Variants in TIMELESS observed in about 807,000 individuals in gnomAD.
The protein encoded by TIMELESS is timeless circadian regulator, also known as protein timeless homolog.
A neutral mutation model predicts 164.3 loss-of-function variants in TIMELESS; 124 were observed. The ratio of observed to expected loss-of-function variants is 0.75; its 90% confidence interval spans 0.65 to 0.88. TIMELESS has a LOEUF of 0.88. Among genes scored for constraint, TIMELESS ranks in the 40% least tolerant of loss-of-function variants. The pLI is 0.00. For synonymous variants in TIMELESS, 564 were observed against 563.4 expected (o/e 1.00, Z -0.02); for missense variants, 1,422 against 1,491.4 (o/e 0.95, Z 0.77).
Position 56,421,705 on chromosome 12 carries a change from CCT to C in TIMELESS, c.2725+20_2725+21del, listed in dbSNP as rs1313525550. 2 of 1,613,336 alleles carry C rather than the reference CCT, an allele frequency of 1.2e-6. No homozygotes were observed. Among genetic ancestry groups the C allele is most frequent in the Non-Finnish European group, 1.7e-6 (2 of 1,179,368 alleles). ...AGCTTGGCTTTCATCTCAAAGGTCC[CCT>C]GAGTTTCCAGCTTACTCACCATCTG... On this transcript the variant is annotated intron_variant, in intron 22 of 28. Transcript: ENST00000553532.
At chr12:56,432,248 G>T in intron 7 of TIMELESS, 121 bp downstream of exon 7, 2 of 1,200,540 alleles carry the variant, frequency 1.7e-6, no homozygotes, top group Non-Finnish European at 1.2e-6. Context: ...TCAAGACATG[G>T]CTACTCCTGC....
In TIMELESS at chr12:56,421,208, G is replaced by T; in HGVS notation, c.2869-74C>A. The stretch of plus-strand genomic sequence containing the variant: ...AACTTAGTGGAGTCTCCTCGTTCCT[G>T]ACCACCGCACCCCCCCGCGCCTGCT... On this transcript the variant is annotated intron_variant, in intron 23 of 28. Transcript: ENST00000553532. The T allele has an allele frequency of 1.9e-6, 3 of 1,601,068 alleles. No homozygotes were observed. The South Asian group carries it at 3.4e-5, about 18-fold the overall frequency.
chr12:56,421,793 C>A lies in TIMELESS; in HGVS notation c.2659G>T (p.Val887Leu). 1.2e-6 allele frequency: 2 copies of A among 1,614,198 alleles called. No homozygotes were observed. Among genetic ancestry groups the A allele is most frequent in the Non-Finnish European group, 1.7e-6 (2 of 1,180,034 alleles). ...KDFQRKGTHI[V>L]LWTGDQELEL... ...AACTCCTGATCCCCCGTCCACAGTA[C>A]AATATGGGTTCCTTTCCTGATTAGG... Residue 887 changes from valine to leucine, a missense_variant, in exon 22 of 29, where the codon GTA (valine) becomes TTA (leucine). Physicochemically the swap from Val to Leu is conservative, Grantham distance 32. Transcript: ENST00000553532.
intron 10 of TIMELESS, among the ~76,000 whole-genome samples, chr12:56,429,497 CTTTTTT>C (rs35987061): frequency 1.4e-4 from 7 of 50,082 alleles, no homozygotes; most frequent in Non-Finnish European, 2.6e-4. Flanking sequence ...TGCGCCTGGT[CTTTTTT>C]TTTTTTTTTT....
chr12:56,417,394 C>T lies in TIMELESS; in HGVS notation c.*322G>A, dbSNP rs767016973. 6 of 267,690 alleles carry T rather than the reference C, an allele frequency of 2.2e-5. No individual in the cohort carries two copies. The highest frequency in any genetic ancestry group is 4.4e-5 in the African/African-American group (2 of 45,498). 16.6% of individuals were successfully genotyped at this position (267,690 alleles called of 1,614,324 possible). On this transcript the variant is annotated 3_prime_UTR_variant, in exon 29 of 29. Transcript: ENST00000553532. ...AAGGAACAGACCAATAAAAGGGGTCCGGGGTGCTTTCTCTATTTCACTCAC... is the reference window on the plus strand; with the variant it reads ...AAGGAACAGACCAATAAAAGGGGTCTGGGGTGCTTTCTCTATTTCACTCAC...
rs984088216 is a variant in TIMELESS at position 56,416,748 on chromosome 12, C to CA, written c.*967dup. On this transcript the variant is annotated 3_prime_UTR_variant, in exon 29 of 29. Transcript: ENST00000553532. ...TTTTTTTTTTTCTTTTTTTTTGAGA[C>CA]AGAGTCTTGCTCTGTCGCCCAGGCA... The CA allele has an allele frequency of 1.3e-5, 2 of 148,904 alleles. No individual in the cohort carries two copies. Among genetic ancestry groups the CA allele is most frequent in the African/African-American group, 5.0e-5 (2 of 40,226 alleles). The allele number at this position is 148,904 out of a possible 1,614,324, so 9.2% of individuals were successfully genotyped here.
At position 56,428,389 on chromosome 12, in the gene TIMELESS, C is replaced by T. The variant is rs774035358; in HGVS notation, c.1425G>A (p.Val475=). 6.2e-7 allele frequency: 1 copy of T among 1,610,106 alleles called. No individual in the cohort carries two copies. Among genetic ancestry groups the T allele is most frequent in the South Asian group, 1.1e-5 (1 of 90,858 alleles). The change falls in exon 13 of 29, where the codon GTG becomes GTA. Residue 475 remains valine, a synonymous_variant. Transcript: ENST00000553532. ...CCAGGAATAGTTCTCGGTACTCCAT[C>T]ACATAGAAAATATTGTCTAGGAATG... ...SRIIKNNIFY[V]MEYRELFLAL... is the part of the protein sequence containing the mutation.
Position 56,420,537 on chromosome 12 carries a change from G to A in TIMELESS, c.3228+32C>T, listed in dbSNP as rs72480405. Reference sequence around the variant, plus strand: ...ATGTATTTGGAAATAGGACTAACACGCCTTGGTTGACACTGTAACTGACAT... The same window carrying A: ...ATGTATTTGGAAATAGGACTAACACACCTTGGTTGACACTGTAACTGACAT... On this transcript the variant is annotated intron_variant, in intron 26 of 28. Transcript: ENST00000553532. 41,652 of 1,575,846 alleles carry A rather than the reference G, an allele frequency of 0.026. 632 individuals are homozygous for A. The highest frequency in any genetic ancestry group is 0.03 in the Non-Finnish European group (34,051 of 1,145,386).
At position 56,417,742 on chromosome 12, in the gene TIMELESS, G is replaced by C; in HGVS notation, c.3601C>G (p.Gln1201Glu). The C allele has an allele frequency of 6.2e-7, 1 of 1,614,102 alleles. No homozygotes were observed. Residue 1201 changes from glutamine (Q) to glutamate (E), a missense_variant, in exon 29 of 29, where the codon CAG (glutamine) becomes GAG (glutamate). Coordinates refer to ENST00000553532, the MANE Select transcript of TIMELESS (RefSeq NM_003920.5). ...APGIQKKKRY[Q>E]IEDDEDD ...CAGTCATCCTCATCATCCTCAATCT[G>C]GTATCGTTTCTTCTTTTGGATTCCT...
chr12:56,433,103 C>T lies in TIMELESS; in HGVS notation c.454G>A (p.Asp152Asn), dbSNP rs750827069. Residue 152 changes from aspartate to asparagine, a missense_variant, in exon 6 of 29, where the codon GAC (aspartate) becomes AAC (asparagine). Transcript: ENST00000553532. ...QLGWEERQEEDNLLIERILLL... is the reference protein window; with the variant it reads ...QLGWEERQEENNLLIERILLL... ...AGGATCCGTTCAATCAGCAAGTTGTCTTCCTCCTGCCGTTCCTCCCAGCCC... is the reference window on the plus strand; with the variant it reads ...AGGATCCGTTCAATCAGCAAGTTGTTTTCCTCCTGCCGTTCCTCCCAGCCC... 7 of 1,614,052 alleles carry T rather than the reference C, an allele frequency of 4.3e-6. No individual in the cohort carries two copies. The highest frequency in any genetic ancestry group is 5.9e-6 in the Non-Finnish European group (7 of 1,180,040).
intron 19 of TIMELESS, 112 bp from the exon 20 acceptor site, chr12:56,422,303 G>A: frequency 1.1e-6 from 1 of 930,926 alleles, no homozygotes; most frequent in Non-Finnish European, 1.7e-6. Context: ...GCAGGTAACT[G>A]AAAGAGGCCA....
chr12:56,434,456 G>A (rs1882004381), intron 1 of TIMELESS, among the ~76,000 whole-genome samples: 1 of 152,160 alleles, frequency 6.6e-6, no homozygotes, highest in Non-Finnish European at 1.5e-5. Context: ...CACCTACCCT[G>A]GCCAGGCGCG....
At chr12:56,431,677 G>C (rs937651682) in intron 7 of TIMELESS, 73 bp from the exon 8 acceptor site, 1 of 1,542,516 alleles carries the variant, frequency 6.5e-7, no homozygotes, top group Non-Finnish European at 8.7e-7. Context: ...TACTGGGGAT[G>C]CAAAGAGTGA....
chr12:56,418,485 T>A, intron 26 of TIMELESS, 126 bp from the exon 27 acceptor site: 1 of 669,314 alleles, frequency 1.5e-6, no homozygotes, highest in Non-Finnish European at 2.6e-6. Context: ...CTATTTATTA[T>A]AATACTTACT....
Position 56,423,890 on chromosome 12 carries a change from C to T in TIMELESS, c.1873G>A (p.Val625Met). 1 of 1,614,102 alleles carries T rather than the reference C, an allele frequency of 6.2e-7. No homozygotes were observed. The highest frequency in any genetic ancestry group is 1.1e-5 in the South Asian group (1 of 91,084). The change falls in exon 16 of 29, where the codon GTG (valine) becomes ATG (methionine). Residue 625 changes from valine to methionine, a missense_variant. By Grantham distance (21) the Val-to-Met change is conservative. Transcript: ENST00000553532. ...ALTLLRSARE[V>M]WPEGDVFGSQ... ...CCAAACACATCTCCTTCAGGCCACA[C>T]CTCCCTGGAGCACAGATAGAAAAAA...
rs137899889 is a variant in TIMELESS at position 56,430,936 on chromosome 12, T to C, written c.854A>G (p.Gln285Arg). The change falls in exon 9 of 29, where the codon CAG becomes CGG. Residue 285 changes from glutamine (Q) to arginine (R), a missense_variant. Physicochemically the swap from Gln to Arg is conservative, Grantham distance 43 (BLOSUM62 1). Coordinates refer to ENST00000553532, the MANE Select transcript of TIMELESS (RefSeq NM_003920.5). ...HSRFGGSYIV[Q>R]GLKSIGERDL... ...CCTCTCCCCAATGGATTTCAACCCC[T>C]GGACAATATAGGAGCCCCCAAATCG... is the stretch of plus-strand genomic sequence containing the variant. 23 of 1,604,860 alleles carry C rather than the reference T, an allele frequency of 1.4e-5. No homozygotes were observed. The African/African-American group carries it at 2.4e-4, about 17-fold the overall frequency.
chr12:56,432,647 C>G, intron 6 of TIMELESS, 123 bp from the exon 7 acceptor site: 1 of 1,378,402 alleles, frequency 7.3e-7, no homozygotes, highest in Non-Finnish European at 9.8e-7. Flanking sequence ...ACAGAATAGC[C>G]CAAAAAGGGC....
intron 28 of TIMELESS, 44 bp downstream of exon 28, chr12:56,417,863 T>C (rs777125989): frequency 1.2e-6 from 2 of 1,613,956 alleles, no homozygotes; most frequent in East Asian, 4.5e-5. Context: ...AGAGTTTGTC[T>C]TCAGGATTAG....
At chr12:56,418,791 G>C (rs1881357504) in intron 26 of TIMELESS, among the ~76,000 whole-genome samples, 1 of 151,644 alleles carries the variant, frequency 6.6e-6, no homozygotes, top group South Asian at 2.1e-4. Context: ...GTGTTGCCCA[G>C]GCCAGTCTCA....
Sources: allele counts gnomAD v4.1 joint callset (sites outside exome capture counted in the v4.1 genomes callset), GRCh38; gene constraint gnomAD v4.1.1; transcripts MANE v1.5; gene names NCBI Gene and HGNC (gene_info 2026-07-23, HGNC 2026-07-21).